The following SLC9B1 variants were observed in gnomAD, a reference collection of about 807,000 sequenced individuals.
SLC9B1 encodes sodium/hydrogen exchanger 9B1.
A neutral mutation model predicts 51.7 loss-of-function variants in SLC9B1; 32 were observed. That is an observed-to-expected ratio of 0.62 (90% CI 0.47 to 0.83). The LOEUF (loss-of-function observed/expected upper bound fraction) is 0.83, where lower values mean the gene tolerates loss of function less well. Among genes scored for constraint, SLC9B1 ranks in the 40% least tolerant of loss-of-function variants. The pLI is 0.00. For synonymous variants in SLC9B1, 145 were observed against 212.7 expected, an observed-to-expected ratio of 0.68 and a Z score of 2.77; for missense variants, 406 against 613.2, an observed-to-expected ratio of 0.66 and a Z score of 3.57.
chr4:102,957,435 A>T (rs1184125374), intron 3 of SLC9B1, among the ~76,000 whole-genome samples: 1 of 152,202 alleles, frequency 6.6e-6, no homozygotes, highest in Non-Finnish European at 1.5e-5. Context: ...GCAAGAGATG[A>T]CTTATCACAT....
intron 6 of SLC9B1, among the ~76,000 whole-genome samples, chr4:102,943,359 G>T (rs1022767073): frequency 1.3e-5 from 2 of 151,952 alleles, no homozygotes; most frequent in Admixed American, 6.6e-5. Context: ...GTCATTATAT[G>T]AAAAAAACAC....
intron 3 of SLC9B1, among the ~76,000 whole-genome samples, chr4:102,965,004 C>T (rs1396281375): frequency 6.6e-6 from 1 of 152,068 alleles, no homozygotes; most frequent in Non-Finnish European, 1.5e-5. Context: ...CACACCCACA[C>T]ACACACACCC....
At position 102,911,443 on chromosome 4, in the gene SLC9B1, T is replaced by G. The variant is rs767960261; in HGVS notation, c.924A>C (p.Pro308=). The part of the protein sequence containing the change: ...IVLGFFVRYF[P]SEDQKKLTLK... ...ATTTTGTATTTACCTGGTCTTCACT[T>G]GGAAAATATCGAACAAAAAATCCCA... Residue 308 remains proline, a synonymous_variant, in exon 8 of 12, where the codon CCA becomes CCC. Coordinates refer to ENST00000296422, the MANE Select transcript of SLC9B1 (RefSeq NM_139173.4). 3.1e-6 allele frequency: 5 copies of G among 1,593,646 alleles called. No homozygotes were observed. In the South Asian group the frequency reaches 5.5e-5, roughly 18 times the overall value.
At chr4:103,003,309 C>G (rs190957641) in intron 1 of SLC9B1, among the ~76,000 whole-genome samples, 1 of 152,286 alleles carries the variant, frequency 6.6e-6, no homozygotes, top group East Asian at 1.9e-4. Flanking sequence ...CATCTTCTTT[C>G]AGTTCTCTTG....
chr4:103,017,319 A>AAT (rs1741424013), intron 1 of SLC9B1, among the ~76,000 whole-genome samples: 2 of 152,314 alleles, frequency 1.3e-5, no homozygotes, highest in East Asian at 3.9e-4. Flanking sequence ...GTCATCACAT[A>AAT]ATAGGCAGAA....
chr4:102,915,820 TAG>T (rs1461380629), intron 7 of SLC9B1, among the ~76,000 whole-genome samples: 1 of 152,174 alleles, frequency 6.6e-6, no homozygotes, highest in African/African-American at 2.4e-5. Flanking sequence ...TGTAAAGAAG[TAG>T]AGTTTTTGTA....
chr4:102,952,785 T>C (rs1212368956), intron 3 of SLC9B1, among the ~76,000 whole-genome samples: 4 of 70,480 alleles, frequency 5.7e-5, no homozygotes, highest in African/African-American at 2.5e-4. Flanking sequence ...GAAGTGTCTG[T>C]TCATGTCCTT....
intron 3 of SLC9B1, among the ~76,000 whole-genome samples, chr4:102,965,865 G>T (rs1180643420): frequency 6.6e-6 from 1 of 152,116 alleles, no homozygotes; most frequent in Non-Finnish European, 1.5e-5. Context: ...TTCCAAAAGG[G>T]AGAAATAGGC....
intron 3 of SLC9B1, among the ~76,000 whole-genome samples, chr4:102,963,529 C>G (rs1738253504): frequency 6.6e-6 from 1 of 152,220 alleles, no homozygotes; most frequent in East Asian, 1.9e-4. Context: ...TGTATGCCCA[C>G]TCCTTCTTCT....
At chr4:102,955,381 G>A (rs1442511094) in intron 3 of SLC9B1, among the ~76,000 whole-genome samples, 1 of 152,126 alleles carries the variant, frequency 6.6e-6, no homozygotes, top group East Asian at 1.9e-4. Flanking sequence ...TCTTGGGTAT[G>A]TCTTTATCAG....
intron 1 of SLC9B1, chr4:103,014,895 T>C (rs901731631): frequency 1.9e-4 from 29 of 152,292 alleles, no homozygotes; most frequent in African/African-American, 6.3e-4. Context: ...TCAAGACCCT[T>C]AACCTCTCTG....
chr4:103,004,765 A>T (rs779637744), intron 1 of SLC9B1, among the ~76,000 whole-genome samples: 1 of 152,200 alleles, frequency 6.6e-6, no homozygotes, highest in Non-Finnish European at 1.5e-5. Context: ...GCCAGAAAAG[A>T]TTGAGGGGCC....
chr4:102,896,020 T>G (rs1299566052), downstream of SLC9B1, among the ~76,000 whole-genome samples: 2 of 152,206 alleles, frequency 1.3e-5, no homozygotes, highest in Non-Finnish European at 2.9e-5. Context: ...TTTGTAGGCA[T>G]TTAGAGCCTG....
chr4:102,908,648 C>A (rs4569757), intron 9 of SLC9B1, among the ~76,000 whole-genome samples: 1 of 145,754 alleles, frequency 6.9e-6, no homozygotes, highest in Non-Finnish European at 1.5e-5. Context: ...ATCTTTGTAA[C>A]GTTTATATGT....
At chr4:102,915,658 CA>C (rs1735542853) in intron 7 of SLC9B1, among the ~76,000 whole-genome samples, 1 of 152,200 alleles carries the variant, frequency 6.6e-6, no homozygotes, top group Admixed American at 6.5e-5. Context: ...GCTGGGACTA[CA>C]GGTGTAAGAC....
intron 3 of SLC9B1, among the ~76,000 whole-genome samples, chr4:102,963,502 C>T (rs185157722): frequency 0.011 from 1,676 of 149,088 alleles, 16 homozygotes; most frequent in African/African-American, 0.038. Flanking sequence ...AAAGCCATTT[C>T]TTTATGTGTT....
intron 3 of SLC9B1, among the ~76,000 whole-genome samples, chr4:102,950,192 C>A (rs889051915): frequency 6.6e-6 from 1 of 152,058 alleles, no homozygotes; most frequent in Non-Finnish European, 1.5e-5. Flanking sequence ...TTAAGAGGAA[C>A]CTACTAAATC....
At chr4:102,899,764 G>T (rs1734705180), downstream of SLC9B1, among the ~76,000 whole-genome samples, 1 of 152,108 alleles carries the variant, frequency 6.6e-6, no homozygotes, top group Admixed American at 6.5e-5. Flanking sequence ...GATTTAAATA[G>T]TAGTCAAAAC....
At chr4:102,904,441 CTTA>C (rs1734930410) in intron 11 of SLC9B1, among the ~76,000 whole-genome samples, 1 of 135,706 alleles carries the variant, frequency 7.4e-6, no homozygotes, top group African/African-American at 3.1e-5. Context: ...CAGATATATT[CTTA>C]TTATATATTT....
Sources: allele counts gnomAD v4.1 joint callset (sites outside exome capture counted in the v4.1 genomes callset), GRCh38; gene constraint gnomAD v4.1.1; transcripts MANE v1.5; gene names NCBI Gene and HGNC (gene_info 2026-07-23, HGNC 2026-07-21).